Variants in RPS6KC1 observed in about 807,000 individuals in gnomAD.
RPS6KC1 encodes the protein inactive ribosomal protein S6 kinase delta-1.
Under a neutral mutation model 103.8 loss-of-function variants are expected in RPS6KC1, and 54 were observed. The observed-to-expected ratio is 0.52, with a 90% CI of 0.42 to 0.65. The LOEUF (loss-of-function observed/expected upper bound fraction) is 0.65. RPS6KC1 is among the 30% of genes least tolerant of loss of function. RPS6KC1 has a pLI of 0.00. For synonymous variants in RPS6KC1, 439 were observed against 438.7 expected, an observed-to-expected ratio of 1.00 and a Z score of -0.01; for missense variants, 1,151 against 1,253.8, an observed-to-expected ratio of 0.92 and a Z score of 1.24.
chr1:213,669,365 G>T, the RPS6KC1 span, among the ~76,000 whole-genome samples: 1 of 152,112 alleles, frequency 6.6e-6, no homozygotes, highest in African/African-American at 2.4e-5. Context: ...AGAAAGGGGG[G>T]TGGCCAGTGG....
chr1:213,150,229 T>C (rs1289856220), intron 6 of RPS6KC1, among the ~76,000 whole-genome samples: 1 of 152,060 alleles, frequency 6.6e-6, no homozygotes, highest in Non-Finnish European at 1.5e-5. Flanking sequence ...TTCCTTCCTG[T>C]CTTCCTCTAG....
intron 8 of RPS6KC1, among the ~76,000 whole-genome samples, chr1:213,227,650 G>T (rs959234856): frequency 6.6e-6 from 1 of 152,156 alleles, no homozygotes; most frequent in African/African-American, 2.4e-5. Flanking sequence ...CAAGGACTGC[G>T]CTATACTCCT....
chr1:213,225,074 T>G (rs748447559), intron 8 of RPS6KC1, among the ~76,000 whole-genome samples: 34 of 152,332 alleles, frequency 2.2e-4, no homozygotes, highest in Non-Finnish European at 4.4e-4. Flanking sequence ...GTGCTTCTTT[T>G]AAAGACTATT....
At chr1:213,302,996 C>T in the RPS6KC1 span, among the ~76,000 whole-genome samples, 3 of 151,848 alleles carry the variant, frequency 2.0e-5, no homozygotes, top group South Asian at 2.1e-4. Flanking sequence ...ACAGAATTTG[C>T]GTTTTTAACA....
the RPS6KC1 span, among the ~76,000 whole-genome samples, chr1:213,596,001 C>G: frequency 6.6e-6 from 1 of 151,306 alleles, no homozygotes; most frequent in Admixed American, 6.6e-5. Flanking sequence ...AATACCAGAA[C>G]AAAAAGTAGA....
the RPS6KC1 span, among the ~76,000 whole-genome samples, chr1:213,500,927 C>T: frequency 6.6e-6 from 1 of 151,848 alleles, no homozygotes; most frequent in African/African-American, 2.4e-5. Context: ...GTCCTATCAA[C>T]AATAGCAGCA....
the RPS6KC1 span, among the ~76,000 whole-genome samples, chr1:213,404,896 G>C: frequency 1.3e-5 from 2 of 152,168 alleles, no homozygotes; most frequent in African/African-American, 4.8e-5. Flanking sequence ...CAGAGTTTCT[G>C]TTTCAACAAA....
the RPS6KC1 span, among the ~76,000 whole-genome samples, chr1:213,854,952 C>T: frequency 6.6e-6 from 1 of 152,172 alleles, no homozygotes; most frequent in Non-Finnish European, 1.5e-5. Flanking sequence ...GGCTACAAGT[C>T]CAAGATCAAG....
At chr1:213,562,322 A>G in the RPS6KC1 span, among the ~76,000 whole-genome samples, 12 of 143,736 alleles carry the variant, frequency 8.3e-5, no homozygotes, top group South Asian at 2.4e-3. Flanking sequence ...TGTGTGCTTA[A>G]AAATAATATA....
chr1:213,844,829 T>C, the RPS6KC1 span, among the ~76,000 whole-genome samples: 3 of 152,162 alleles, frequency 2.0e-5, no homozygotes, highest in Non-Finnish European at 1.5e-5. Context: ...CTTCAGAAAC[T>C]AGTCCAGCAA....
the RPS6KC1 span, among the ~76,000 whole-genome samples, chr1:213,526,566 G>A: frequency 3.3e-5 from 5 of 152,292 alleles, no homozygotes; most frequent in African/African-American, 1.2e-4. Context: ...TGGTATGTGT[G>A]CTCAAAGAAT....
the RPS6KC1 span, chr1:213,820,508 C>A: frequency 6.6e-6 from 1 of 152,224 alleles, no homozygotes; most frequent in African/African-American, 2.4e-5. Flanking sequence ...CCAGGACTAC[C>A]CACAGGCTGG....
At chr1:213,611,468 A>G in the RPS6KC1 span, among the ~76,000 whole-genome samples, 4 of 152,118 alleles carry the variant, frequency 2.6e-5, no homozygotes, top group African/African-American at 4.8e-5. Flanking sequence ...GGACTTGCCA[A>G]CTCACTCTGC....
At chr1:213,384,229 C>A in the RPS6KC1 span, among the ~76,000 whole-genome samples, 1 of 151,642 alleles carries the variant, frequency 6.6e-6, no homozygotes, top group East Asian at 1.9e-4. Flanking sequence ...TGAGCTGAGA[C>A]CATGCCACTG....
At chr1:213,723,138 C>T in the RPS6KC1 span, among the ~76,000 whole-genome samples, 4 of 152,180 alleles carry the variant, frequency 2.6e-5, no homozygotes, top group Non-Finnish European at 5.9e-5. Flanking sequence ...CGAGATCCCG[C>T]CATTGCACTC....
At chr1:213,692,564 C>T in the RPS6KC1 span, among the ~76,000 whole-genome samples, 7 of 152,078 alleles carry the variant, frequency 4.6e-5, no homozygotes, top group African/African-American at 9.7e-5. Context: ...TCTTCCCTTG[C>T]GGTGGGCTGT....
At chr1:213,318,023 C>G in the RPS6KC1 span, among the ~76,000 whole-genome samples, 1 of 152,262 alleles carries the variant, frequency 6.6e-6, no homozygotes, top group Non-Finnish European at 1.5e-5. Context: ...TCTTGCCCAG[C>G]TTTGTGCCTA....
the RPS6KC1 span, among the ~76,000 whole-genome samples, chr1:213,617,360 C>T: frequency 1.3e-5 from 2 of 152,176 alleles, no homozygotes; most frequent in African/African-American, 2.4e-5. Context: ...ATGTAACTGA[C>T]ACCAGGGATA....
the RPS6KC1 span, among the ~76,000 whole-genome samples, chr1:213,435,002 C>A: frequency 6.6e-6 from 1 of 152,034 alleles, no homozygotes; most frequent in African/African-American, 2.4e-5. Context: ...TTGATGATTC[C>A]ATTTACAGCA....
Sources: gnomAD v4.1 joint callset for allele counts (sites outside exome capture counted in the v4.1 genomes callset) on GRCh38, gnomAD v4.1.1 for gene constraint, MANE v1.5 for transcripts, NCBI Gene and HGNC (gene_info 2026-07-23, HGNC 2026-07-21) for gene names.